The following FNDC3B variants were observed in gnomAD, a reference collection of about 807,000 sequenced individuals.
FNDC3B encodes the protein fibronectin type III domain-containing protein 3B.
A neutral mutation model predicts 151.5 loss-of-function variants in FNDC3B; 12 were observed. The ratio of observed to expected loss-of-function variants is 0.08; its 90% CI spans 0.05 to 0.13. FNDC3B has a LOEUF of 0.13. FNDC3B is among the 10% of genes least tolerant of loss of function. FNDC3B has a pLI of 1.00. For synonymous variants in FNDC3B, 528 were observed against 549.0 expected (o/e 0.96, Z 0.54); for missense variants, 1,214 against 1,505.3 (o/e 0.81, Z 3.20).
chr3:172,381,219 G>A, intron 25 of FNDC3B, 126 bp downstream of exon 25: 1 of 1,012,020 alleles, frequency 9.9e-7, no homozygotes, highest in South Asian at 1.6e-5. Flanking sequence ...TGCCTAACTT[G>A]TACTTATTGT....
chr3:172,321,651 C>T (rs1035191545), intron 11 of FNDC3B: 1 of 186,678 alleles, frequency 5.4e-6, no homozygotes, highest in South Asian at 1.3e-4. Context: ...AGCAATTCTC[C>T]TGCCTCAGCC....
intron 1 of FNDC3B, among the ~76,000 whole-genome samples, chr3:172,107,202 T>C (rs1193918952): frequency 6.6e-6 from 1 of 152,054 alleles, no homozygotes; most frequent in Non-Finnish European, 1.5e-5. Flanking sequence ...GTGTTATGTG[T>C]GGTTAGGGGG....
At chr3:172,295,340 T>A in intron 7 of FNDC3B, 23 bp from the exon 8 acceptor site, 1 of 1,597,592 alleles carries the variant, frequency 6.3e-7, no homozygotes, top group South Asian at 1.1e-5. Flanking sequence ...TGAATACTTT[T>A]GTCCCATGTT....
intron 1 of FNDC3B, among the ~76,000 whole-genome samples, chr3:172,075,247 A>AT (rs1442918877): frequency 2.0e-5 from 3 of 152,180 alleles, no homozygotes; most frequent in Non-Finnish European, 4.4e-5. Context: ...CAGGGAAGCC[A>AT]TCTAATTCTC....
At chr3:172,184,942 G>A (rs568875657) in intron 3 of FNDC3B, among the ~76,000 whole-genome samples, 8 of 151,660 alleles carry the variant, frequency 5.3e-5, no homozygotes, top group African/African-American at 1.5e-4. Context: ...CAGAAGCAAA[G>A]GAAAAGAAAA....
chr3:172,084,025 T>G (rs1238951608), intron 1 of FNDC3B, among the ~76,000 whole-genome samples: 1 of 152,164 alleles, frequency 6.6e-6, no homozygotes, highest in East Asian at 1.9e-4. Flanking sequence ...TAAAAGCCTC[T>G]CCTAGAGTTC....
intron 6 of FNDC3B, among the ~76,000 whole-genome samples, chr3:172,252,035 G>A (rs1013729277): frequency 6.6e-6 from 1 of 152,164 alleles, no homozygotes; most frequent in Admixed American, 6.5e-5. Flanking sequence ...CCTTTTGCCT[G>A]TGAATTAAGT....
At chr3:172,270,316 AC>A (rs1560049766) in intron 6 of FNDC3B, among the ~76,000 whole-genome samples, 1 of 151,042 alleles carries the variant, frequency 6.6e-6, no homozygotes, top group African/African-American at 2.4e-5. Context: ...TTTTATTAAA[AC>A]CCCCATGTTT....
intron 6 of FNDC3B, among the ~76,000 whole-genome samples, chr3:172,282,639 C>T (rs1436644740): frequency 1.3e-5 from 2 of 152,206 alleles, no homozygotes; most frequent in African/African-American, 2.4e-5. Context: ...AGAAAACCAA[C>T]ATAAACCTTC....
At chr3:172,260,897 C>G (rs2108789435) in intron 6 of FNDC3B, among the ~76,000 whole-genome samples, 1 of 152,296 alleles carries the variant, frequency 6.6e-6, no homozygotes, top group East Asian at 1.9e-4. Flanking sequence ...TTTGAACCCA[C>G]TCAGCAAATT....
intron 23 of FNDC3B, among the ~76,000 whole-genome samples, chr3:172,363,854 A>G (rs532619862): frequency 1.3e-5 from 2 of 152,214 alleles, no homozygotes; most frequent in Non-Finnish European, 2.9e-5. Context: ...CTAGAAGCAT[A>G]GTATCAATTT....
At chr3:172,203,242 A>G (rs541029781) in intron 3 of FNDC3B, among the ~76,000 whole-genome samples, 11 of 152,338 alleles carry the variant, frequency 7.2e-5, no homozygotes, top group Non-Finnish European at 1.5e-4. Context: ...TAAAAGGAGA[A>G]TGTTGTAATT....
chr3:172,228,535 A>G (rs185221273), intron 4 of FNDC3B, among the ~76,000 whole-genome samples: 1 of 151,974 alleles, frequency 6.6e-6, no homozygotes, highest in African/African-American at 2.4e-5. Flanking sequence ...TGCATGTACT[A>G]GGAAAAGTGG....
At chr3:172,276,926 G>GA (rs984230192) in intron 6 of FNDC3B, among the ~76,000 whole-genome samples, 8 of 151,856 alleles carry the variant, frequency 5.3e-5, no homozygotes, top group Non-Finnish European at 7.4e-5. Context: ...TGAATTAGGA[G>GA]AAAAAAAATT....
chr3:172,376,077 T>C lies in FNDC3B; in HGVS notation c.3009-2193T>C, dbSNP rs138481086. Reference sequence around the variant, plus strand: ...AATAAAATTTTAAATTTCTCATTGCTATCAGCTGTTTCCACTATGTTTTTC... The same window carrying C: ...AATAAAATTTTAAATTTCTCATTGCCATCAGCTGTTTCCACTATGTTTTTC... On this transcript the variant is annotated intron_variant, in intron 23 of 25. Transcript: ENST00000415807. Among the ~76,000 whole-genome samples the C allele has an allele frequency of 6.2e-3, 939 of 152,354 alleles. 10 individuals are homozygous for C. The highest frequency in any genetic ancestry group is 0.022 in the African/African-American group (896 of 41,588).
At position 172,041,872 on chromosome 3, in the gene FNDC3B, G is replaced by A. The variant is rs975151726; in HGVS notation, c.-29+2101G>A. On this transcript the variant is annotated intron_variant, in intron 1 of 25. Coordinates refer to ENST00000415807, the MANE Select transcript of FNDC3B (RefSeq NM_022763.4). ...TGGCTCCCTGGGAGCAGCTGTTAAC[G>A]AGGATAAAGTCTCTGGGCATGTTTC... Among the ~76,000 whole-genome samples the A allele has an allele frequency of 2.6e-5, 4 of 151,992 alleles. No individual in the cohort carries two copies. The South Asian group carries it at 6.2e-4, about 24-fold the overall frequency.
intron 4 of FNDC3B, among the ~76,000 whole-genome samples, chr3:172,246,902 AC>A (rs1210221030): frequency 9.2e-5 from 14 of 152,208 alleles, no homozygotes; most frequent in African/African-American, 3.1e-4. Context: ...AAGTGTCCAT[AC>A]TGATTTGGGG....
intron 7 of FNDC3B, among the ~76,000 whole-genome samples, chr3:172,290,364 T>C (rs879456276): frequency 1.3e-5 from 2 of 152,190 alleles, no homozygotes; most frequent in Non-Finnish European, 2.9e-5. Context: ...GTATTTATCT[T>C]GGGACTGGAA....
At chr3:172,280,334 A>G (rs1560054544) in intron 6 of FNDC3B, among the ~76,000 whole-genome samples, 1 of 152,082 alleles carries the variant, frequency 6.6e-6, no homozygotes, top group Non-Finnish European at 1.5e-5. Context: ...TTTCGTTTTC[A>G]CCTAAAATTA....
Sources: gnomAD v4.1 joint callset for allele counts (sites outside exome capture counted in the v4.1 genomes callset) on GRCh38, gnomAD v4.1.1 for gene constraint, MANE v1.5 for transcripts, NCBI Gene and HGNC (gene_info 2026-07-23, HGNC 2026-07-21) for gene names.